TRAF3: variants seen among roughly 807,000 people sequenced by gnomAD.
TRAF3 encodes the protein TNF receptor associated factor 3.
TRAF3 carries 13 observed loss-of-function variants against 62.3 expected under a neutral mutation model. The ratio of observed to expected loss-of-function variants is 0.21; its 90% CI spans 0.14 to 0.33. The LOEUF (loss-of-function observed/expected upper bound fraction) is 0.33, where lower values mean the gene tolerates loss of function less well. Ranked by LOEUF, TRAF3 falls within the 10% of genes least tolerant of loss-of-function variation. The probability of loss-of-function intolerance (pLI) is 1.00; values close to 1 mark genes in which losing one functional copy is unlikely to be tolerated. For missense variants in TRAF3, 440 were observed against 741.8 expected, an observed-to-expected ratio of 0.59 and a Z score of 4.73; for synonymous variants, 269 against 283.4, an observed-to-expected ratio of 0.95 and a Z score of 0.51.
intron 6 of TRAF3, among the ~76,000 whole-genome samples, chr14:102,883,995 G>GT (rs1175183919): frequency 6.6e-6 from 1 of 152,208 alleles, no homozygotes; most frequent in Non-Finnish European, 1.5e-5. Flanking sequence ...CAGATTCAGG[G>GT]TTTTTTAAAA....
At chr14:102,833,443 G>A (rs1210862325) in intron 2 of TRAF3, among the ~76,000 whole-genome samples, 3 of 152,130 alleles carry the variant, frequency 2.0e-5, no homozygotes, top group South Asian at 2.1e-4. Context: ...CTCATGTTGC[G>A]AATGGATCCT....
chr14:102,815,079 G>T (rs1039992543), intron 1 of TRAF3, among the ~76,000 whole-genome samples: 3 of 152,084 alleles, frequency 2.0e-5, no homozygotes, highest in African/African-American at 7.2e-5. Context: ...AGGGCTACAG[G>T]CGGTACCATT....
chr14:102,866,896 A>G (rs1386014445), intron 2 of TRAF3, among the ~76,000 whole-genome samples: 1 of 136,366 alleles, frequency 7.3e-6, no homozygotes, highest in African/African-American at 3.0e-5. Flanking sequence ...CACACACAAA[A>G]CAATGACAAG....
chr14:102,824,689 T>C lies in TRAF3; in HGVS notation c.-156-5645T>C, dbSNP rs1900190823. The stretch of plus-strand genomic sequence containing the variant: ...ATAGTTTGCATCAAATTCATGTAAA[T>C]GCGCGTTAATGATGTTAGCTAGTCT... On this transcript the variant is annotated intron_variant, in intron 1 of 11. Coordinates refer to ENST00000392745, the MANE Select transcript of TRAF3 (RefSeq NM_145725.3). Among the ~76,000 whole-genome samples, 3 of 152,244 alleles carry C rather than the reference T, an allele frequency of 2.0e-5. No individual in the cohort carries two copies. The South Asian group carries it at 6.2e-4, about 32-fold the overall frequency.
chr14:102,808,106 T>C (rs1287245853), intron 1 of TRAF3, among the ~76,000 whole-genome samples: 1 of 152,138 alleles, frequency 6.6e-6, no homozygotes, highest in Non-Finnish European at 1.5e-5. Flanking sequence ...TTGTTTTGGA[T>C]GGACAGGAAG....
At chr14:102,786,586 T>C (rs569109037) in intron 1 of TRAF3, among the ~76,000 whole-genome samples, 3 of 152,066 alleles carry the variant, frequency 2.0e-5, no homozygotes, top group Non-Finnish European at 4.4e-5. Context: ...ACTTGGGATG[T>C]TGAAGCAGGA....
intron 1 of TRAF3, among the ~76,000 whole-genome samples, chr14:102,822,297 C>T (rs1327989154): frequency 1.3e-5 from 2 of 152,096 alleles, no homozygotes; most frequent in Admixed American, 1.3e-4. Flanking sequence ...TTTCACCATG[C>T]GAGTATTTAC....
At chr14:102,889,757 CT>C in intron 8 of TRAF3, 123 bp downstream of exon 8, 2 of 1,233,574 alleles carry the variant, frequency 1.6e-6, no homozygotes, top group South Asian at 2.5e-5. Context: ...CTGAAACACC[CT>C]GTTGCATGGG....
At chr14:102,899,100 T>C (rs1375077587) in intron 10 of TRAF3, among the ~76,000 whole-genome samples, 1 of 152,234 alleles carries the variant, frequency 6.6e-6, no homozygotes, top group Non-Finnish European at 1.5e-5. Context: ...CTGAAACATG[T>C]GAAAACTCTT....
At chr14:102,846,882 G>A (rs1169698365) in intron 2 of TRAF3, among the ~76,000 whole-genome samples, 1 of 152,080 alleles carries the variant, frequency 6.6e-6, no homozygotes, top group African/African-American at 2.4e-5. Context: ...AAGGGTTTTG[G>A]GGTCAGATAG....
chr14:102,805,884 T>C (rs1213333994), intron 1 of TRAF3, among the ~76,000 whole-genome samples: 1 of 152,168 alleles, frequency 6.6e-6, no homozygotes, highest in Non-Finnish European at 1.5e-5. Flanking sequence ...CTAGAGGATG[T>C]CATTTGGACT....
intron 1 of TRAF3, among the ~76,000 whole-genome samples, chr14:102,828,897 A>G (rs1900486790): frequency 6.6e-6 from 1 of 152,236 alleles, no homozygotes; most frequent in Non-Finnish European, 1.5e-5. Flanking sequence ...AACTTAAGCA[A>G]TGACAGTTAC....
chr14:102,868,478 C>T (rs1218344131), intron 2 of TRAF3, among the ~76,000 whole-genome samples: 2 of 152,134 alleles, frequency 1.3e-5, no homozygotes, highest in Non-Finnish European at 2.9e-5. Flanking sequence ...GCCTTAGAGA[C>T]AGGAAGGGCA....
chr14:102,871,869 C>G (rs760244895), intron 3 of TRAF3, 48 bp from the exon 4 acceptor site: 35 of 1,584,584 alleles, frequency 2.2e-5, no homozygotes, highest in Non-Finnish European at 2.9e-5. Flanking sequence ...TGAGTCCTCT[C>G]AAGAAAGGGA....
chr14:102,811,248 C>T (rs1367885862), intron 1 of TRAF3, among the ~76,000 whole-genome samples: 1 of 151,884 alleles, frequency 6.6e-6, no homozygotes, highest in East Asian at 1.9e-4. Context: ...TTCTCATGAG[C>T]CCCGTTGCTG....
chr14:102,834,436 C>T (rs371935074), intron 2 of TRAF3, among the ~76,000 whole-genome samples: 6 of 152,036 alleles, frequency 3.9e-5, no homozygotes, highest in Admixed American at 2.6e-4. Context: ...CGGTGGCTCA[C>T]GCTTGTAATC....
chr14:102,850,419 G>A (rs1886964319), intron 2 of TRAF3, among the ~76,000 whole-genome samples: 2 of 152,124 alleles, frequency 1.3e-5, no homozygotes, highest in African/African-American at 4.8e-5. Flanking sequence ...ATTGCAGGCC[G>A]AGCGTGCTGG....
At chr14:102,854,869 T>C (rs1301230789) in intron 2 of TRAF3, among the ~76,000 whole-genome samples, 1 of 151,654 alleles carries the variant, frequency 6.6e-6, no homozygotes, top group Non-Finnish European at 1.5e-5. Context: ...ACATTAGCCA[T>C]TTAAAAGTGA....
At chr14:102,844,743 TAAAG>T (rs900358416) in intron 2 of TRAF3, among the ~76,000 whole-genome samples, 1 of 152,080 alleles carries the variant, frequency 6.6e-6, no homozygotes, top group Non-Finnish European at 1.5e-5. Context: ...AATTCTATAA[TAAAG>T]AATTCTTAGT....
Sources: gnomAD v4.1 joint callset for allele counts (sites outside exome capture counted in the v4.1 genomes callset) on GRCh38, gnomAD v4.1.1 for gene constraint, MANE v1.5 for transcripts, NCBI Gene and HGNC (gene_info 2026-07-23, HGNC 2026-07-21) for gene names.